The following GTF2B variants were observed in gnomAD, a reference collection of about 807,000 sequenced individuals.
The protein encoded by GTF2B is transcription initiation factor IIB.
GTF2B carries 20 observed loss-of-function variants against 34.6 expected under a neutral mutation model. The ratio of observed to expected loss-of-function variants is 0.58; its 90% confidence interval spans 0.41 to 0.84. The LOEUF is 0.84. Among genes scored for constraint, GTF2B ranks in the 40% least tolerant of loss-of-function variants. The pLI is 0.00. For synonymous variants in GTF2B, 142 were observed against 132.4 expected (o/e 1.07, Z -0.50); for missense variants, 237 against 393.3 (o/e 0.60, Z 3.36).
At chr1:88,860,061 A>G (rs763969827) in intron 4 of GTF2B, 50 bp from the exon 5 acceptor site, 2 of 1,610,600 alleles carry the variant, frequency 1.2e-6, no homozygotes, top group East Asian at 4.5e-5. Context: ...AATTAGCTGC[A>G]ATATCAAAAT....
At chr1:88,881,169 TAA>T (rs537366934) in intron 2 of GTF2B, among the ~76,000 whole-genome samples, 13,603 of 125,132 alleles carry the variant, frequency 0.11, 1,539 homozygotes, top group African/African-American at 0.3. Context: ...GGTATGTATT[TAA>T]AAAAAAAAAA....
At chr1:88,856,888 A>G (rs1570717122) in intron 6 of GTF2B, among the ~76,000 whole-genome samples, 2 of 145,260 alleles carry the variant, frequency 1.4e-5, no homozygotes, top group East Asian at 2.0e-4. Flanking sequence ...TGTAACCTCC[A>G]CCTCCCAGGT....
intron 2 of GTF2B, among the ~76,000 whole-genome samples, chr1:88,883,527 A>G (rs1673991828): frequency 6.6e-6 from 1 of 152,014 alleles, no homozygotes; most frequent in Admixed American, 6.6e-5. Context: ...TAGTCTGGGC[A>G]ACGCTGTGAG....
intron 2 of GTF2B, among the ~76,000 whole-genome samples, chr1:88,869,497 T>C (rs572455656): frequency 2.6e-5 from 4 of 152,158 alleles, no homozygotes; most frequent in Admixed American, 1.3e-4. Flanking sequence ...AAAATGTCAG[T>C]CACAAAAAAG....
chr1:88,886,084 G>A (rs1363192667), intron 2 of GTF2B, among the ~76,000 whole-genome samples: 1 of 152,162 alleles, frequency 6.6e-6, no homozygotes, highest in Non-Finnish European at 1.5e-5. Flanking sequence ...AAATCATTTA[G>A]AATAGTGCCT....
intron 6 of GTF2B, among the ~76,000 whole-genome samples, chr1:88,856,709 G>A (rs1394934798): frequency 2.6e-5 from 4 of 152,042 alleles, no homozygotes; most frequent in Non-Finnish European, 5.9e-5. Flanking sequence ...TTGTTCACAG[G>A]GTTATGTCTC....
At chr1:88,869,564 G>C (rs985629918) in intron 2 of GTF2B, among the ~76,000 whole-genome samples, 6 of 152,094 alleles carry the variant, frequency 3.9e-5, no homozygotes, top group Admixed American at 3.3e-4. Flanking sequence ...AATAATCTAT[G>C]AGAACAGAAA....
chr1:88,884,932 T>C (rs1674027301), intron 2 of GTF2B, among the ~76,000 whole-genome samples: 1 of 152,176 alleles, frequency 6.6e-6, no homozygotes, highest in Admixed American at 6.5e-5. Flanking sequence ...TAAAAACAAA[T>C]AAATAAAATA....
intron 1 of GTF2B, 96 bp downstream of exon 1, chr1:88,891,387 G>T: frequency 2.3e-6 from 2 of 869,432 alleles, no homozygotes; most frequent in East Asian, 2.7e-5. Context: ...CATACCCCTA[G>T]GCGCTCAGCC....
chr1:88,864,047 T>A lies in GTF2B; in HGVS notation c.192A>T (p.Pro64=). 1.2e-6 allele frequency: 2 copies of A among 1,613,632 alleles called. No individual in the cohort carries two copies. Among genetic ancestry groups the A allele is most frequent in the Non-Finnish European group, 1.7e-6 (2 of 1,179,508 alleles). ...TFSNDKATKD[P]SRVGDSQNPL... ...GATTCTGAGAATCTCCAACTCGAGATGGATCTTTTGTTGCTTTGTCATTGC... is the reference window on the plus strand; with the variant it reads ...GATTCTGAGAATCTCCAACTCGAGAAGGATCTTTTGTTGCTTTGTCATTGC... The change falls in exon 3 of 7, where the codon CCA becomes CCT. Residue 64 remains proline (P), a synonymous_variant. Coordinates refer to ENST00000370500, the MANE Select transcript of GTF2B (RefSeq NM_001514.6).
At chr1:88,874,261 TA>T (rs1367208794) in intron 2 of GTF2B, among the ~76,000 whole-genome samples, 1 of 152,102 alleles carries the variant, frequency 6.6e-6, no homozygotes, top group Non-Finnish European at 1.5e-5. Context: ...CCTAGACTCT[TA>T]AGAGTGTTTT....
rs1026154798 is a variant in GTF2B, at chr1:88,857,520, C to T, written c.536-33G>A. 5.2e-6 allele frequency: 6 copies of T among 1,159,174 alleles called. No homozygotes were observed. In the Admixed American group the frequency reaches 1.1e-4, roughly 22 times the overall value. 71.8% of individuals were successfully genotyped at this position (1,159,174 alleles called of 1,614,324 possible). ...AAAAAAAATTAAATAAATCAATTCACTTAAGCCATATAGTTCATCTTAAAA... is the reference window on the plus strand; with the variant it reads ...AAAAAAAATTAAATAAATCAATTCATTTAAGCCATATAGTTCATCTTAAAA... On this transcript the variant is annotated intron_variant, in intron 5 of 6. Coordinates refer to ENST00000370500, the MANE Select transcript of GTF2B (RefSeq NM_001514.6).
chr1:88,889,313 C>T lies in GTF2B; in HGVS notation c.18-1946G>A, dbSNP rs149504113. 7.0e-3 allele frequency among the ~76,000 whole-genome samples: 1,072 copies of T among 152,242 alleles called. 8 individuals carry two copies. Among genetic ancestry groups the T allele is most frequent in the Non-Finnish European group, 7.3e-3 (498 of 68,026 alleles). The stretch of plus-strand genomic sequence containing the variant: ...TAAATTAGTAAACTTAATCAAATTA[C>T]CCACAATACAGAAGAGGAACCATAC... On this transcript the variant is annotated intron_variant, in intron 1 of 6. Coordinates refer to ENST00000370500, the MANE Select transcript of GTF2B (RefSeq NM_001514.6).
At chr1:88,855,672 G>A (rs1046798152) in intron 6 of GTF2B, among the ~76,000 whole-genome samples, 5 of 150,910 alleles carry the variant, frequency 3.3e-5, no homozygotes, top group Admixed American at 1.3e-4. Context: ...TCTTTTTTTT[G>A]AAAAAGAGCC....
At chr1:88,866,771 T>C (rs2100968729) in intron 2 of GTF2B, among the ~76,000 whole-genome samples, 1 of 152,322 alleles carries the variant, frequency 6.6e-6, no homozygotes, top group South Asian at 2.1e-4. Context: ...TGGACTACCA[T>C]GTGTCCACAT....
At position 88,868,415 on chromosome 1, in the gene GTF2B, C is replaced by T. The variant is rs1460940124; in HGVS notation, c.125-4301G>A. Among the ~76,000 whole-genome samples the T allele has an allele frequency of 2.6e-5, 4 of 152,176 alleles. No individual in the cohort carries two copies. The East Asian group carries it at 7.7e-4, about 29-fold the overall frequency. On this transcript the variant is annotated intron_variant, in intron 2 of 6. Coordinates refer to ENST00000370500, the MANE Select transcript of GTF2B (RefSeq NM_001514.6). ...ACTACTATAATATATATGCACGACTCCTCCCTCCACCTAGAGTGTGACCTT... is the reference window on the plus strand; with the variant it reads ...ACTACTATAATATATATGCACGACTTCTCCCTCCACCTAGAGTGTGACCTT...
At chr1:88,877,377 C>T (rs1222861737) in intron 2 of GTF2B, among the ~76,000 whole-genome samples, 1 of 152,150 alleles carries the variant, frequency 6.6e-6, no homozygotes, top group African/African-American at 2.4e-5. Flanking sequence ...AATACTACTA[C>T]TAGTTTCAAA....
intron 2 of GTF2B, among the ~76,000 whole-genome samples, chr1:88,865,719 C>A (rs1378939054): frequency 6.6e-6 from 1 of 151,830 alleles, no homozygotes; most frequent in Non-Finnish European, 1.5e-5. Flanking sequence ...GGCGTGGTGG[C>A]ACATGCCTGT....
At chr1:88,860,933 C>A (rs775506557) in intron 3 of GTF2B, among the ~76,000 whole-genome samples, 2 of 152,020 alleles carry the variant, frequency 1.3e-5, no homozygotes, top group Non-Finnish European at 2.9e-5. Context: ...GAAAAACTAG[C>A]CAATAGTATT....
Sources: gnomAD v4.1 joint callset for allele counts (sites outside exome capture counted in the v4.1 genomes callset) on GRCh38, gnomAD v4.1.1 for gene constraint, MANE v1.5 for transcripts, NCBI Gene and HGNC (gene_info 2026-07-23, HGNC 2026-07-21) for gene names.